Variants in COX7A2L observed in about 807,000 individuals in gnomAD.
The protein encoded by COX7A2L is cytochrome c oxidase subunit 7A2-like, mitochondrial.
In COX7A2L, 18 loss-of-function variants were observed where a neutral mutation model predicts 14.2. The ratio of observed to expected loss-of-function variants is 1.27; its 90% confidence interval spans 0.88 to 1.88. COX7A2L has a LOEUF of 1.88. COX7A2L is among the 40% of genes most tolerant of loss of function. The pLI is 0.00. For missense variants in COX7A2L, 179 were observed against 138.8 expected (o/e 1.29, Z -1.46); for synonymous variants, 65 against 57.4 (o/e 1.13, Z -0.60).
rs760727768 is a variant in COX7A2L, at chr2:42,353,358, A to T, written c.73-15T>A. 1 of 1,611,740 alleles carries T rather than the reference A, an allele frequency of 6.2e-7. No individual in the cohort carries two copies. Among genetic ancestry groups the T allele is most frequent in the Admixed American group, 1.7e-5 (1 of 59,164 alleles). On this transcript the variant is annotated splice_polypyrimidine_tract_variant and intron_variant, in intron 1 of 2. Coordinates refer to ENST00000234301, the MANE Select transcript of COX7A2L (RefSeq NM_004718.4). ...GGCTTTAATCCCTGTAGAGAAAAAA[A>T]GGAAAATGGCAAGTTGAAAGTATGT...
chr2:42,358,251 C>T (rs1558635069), intron 1 of COX7A2L, among the ~76,000 whole-genome samples: 2 of 152,168 alleles, frequency 1.3e-5, no homozygotes, highest in Non-Finnish European at 2.9e-5. Flanking sequence ...TGTTAAACAT[C>T]TTCATGTGCT....
chr2:42,343,209 A>C (rs1670434018), intron 2 of COX7A2L, among the ~76,000 whole-genome samples: 1 of 152,130 alleles, frequency 6.6e-6, no homozygotes, highest in Admixed American at 6.5e-5. Context: ...GCCTCCTCTA[A>C]AGTCACCAAA....
upstream of COX7A2L, among the ~76,000 whole-genome samples, chr2:42,363,048 G>A (rs967731004): frequency 1.3e-5 from 2 of 151,576 alleles, no homozygotes; most frequent in African/African-American, 4.9e-5. Flanking sequence ...CTAATTTTTT[G>A]TATTTTTAGT....
At chr2:42,347,643 C>T (rs543955412), downstream of COX7A2L, among the ~76,000 whole-genome samples, 4 of 152,226 alleles carry the variant, frequency 2.6e-5, no homozygotes, top group South Asian at 2.1e-4. Context: ...ATGCGTTGGC[C>T]GGGCGTGGTG....
At chr2:42,355,034 C>T (rs553539750) in intron 1 of COX7A2L, among the ~76,000 whole-genome samples, 1 of 152,322 alleles carries the variant, frequency 6.6e-6, no homozygotes. Context: ...AGTTTTCAAA[C>T]TCAGGCCTTT....
chr2:42,335,745 A>G (rs1021960036), intron 2 of COX7A2L, among the ~76,000 whole-genome samples: 1 of 152,228 alleles, frequency 6.6e-6, no homozygotes, highest in African/African-American at 2.4e-5. Flanking sequence ...GGTTATATGC[A>G]CTGTAAAATA....
chr2:42,341,833 C>A (rs17389687), intron 2 of COX7A2L, among the ~76,000 whole-genome samples: 18,431 of 152,224 alleles, frequency 0.12, 1,220 homozygotes, highest in South Asian at 0.26. Flanking sequence ...GCCTGAAACA[C>A]AAATCTAACC....
downstream of COX7A2L, among the ~76,000 whole-genome samples, chr2:42,347,947 A>G (rs1670530940): frequency 6.6e-6 from 1 of 152,174 alleles, no homozygotes; most frequent in Non-Finnish European, 1.5e-5. Flanking sequence ...GCATCTATAT[A>G]TGTTCATAGA....
chr2:42,353,312 G>A lies in COX7A2L; in HGVS notation c.104C>T (p.Pro35Leu). 1 of 1,613,990 alleles carries A rather than the reference G, an allele frequency of 6.2e-7. No individual in the cohort carries two copies. The highest frequency in any genetic ancestry group is 8.5e-7 in the Non-Finnish European group (1 of 1,179,972). Residue 35 changes from proline to leucine, a missense_variant, in exon 2 of 3, where the codon CCA becomes CTA. Physicochemically the swap from Pro to Leu is moderately conservative, Grantham distance 98 (BLOSUM62 -3). Transcript: ENST00000234301. ...AGTTGGTGTGGCAAATATGATAGGT[G>A]GTGCTTCTGTGGAAACCACAGGCTT... Reference protein sequence around the residue: ...GLKPVVSTEAPPIIFATPTKL... With the variant: ...GLKPVVSTEALPIIFATPTKL...
chr2:42,363,084 C>T (rs1404367365), upstream of COX7A2L, among the ~76,000 whole-genome samples: 1 of 151,938 alleles, frequency 6.6e-6, no homozygotes, highest in Non-Finnish European at 1.5e-5. Context: ...CCATGTTTCC[C>T]AGGCTAGTCT....
At chr2:42,362,483 C>T (rs1389109145), upstream of COX7A2L, among the ~76,000 whole-genome samples, 1 of 152,174 alleles carries the variant, frequency 6.6e-6, no homozygotes, top group Non-Finnish European at 1.5e-5. Context: ...TTTTAGAATA[C>T]AGGAAAATGA....
chr2:42,361,219 C>A, upstream of COX7A2L: 2 of 1,490,484 alleles, frequency 1.3e-6, no homozygotes, highest in South Asian at 2.4e-5. Context: ...CAGAGAAGGA[C>A]CCCGCCTCCC....
chr2:42,366,761 G>C (rs999726637), intron 1 of COX7A2L, among the ~76,000 whole-genome samples: 2 of 152,308 alleles, frequency 1.3e-5, no homozygotes, highest in South Asian at 2.1e-4. Flanking sequence ...TATAAAGTTA[G>C]CTGGTTATAA....
Position 42,361,093 on chromosome 2 carries a change from C to T in COX7A2L, c.69G>A (p.Pro23=), listed in dbSNP as rs546072265. 1 of 1,613,564 alleles carries T rather than the reference C, an allele frequency of 6.2e-7. No homozygotes were observed. The highest frequency in any genetic ancestry group is 1.1e-5 in the South Asian group (1 of 90,958). The change falls in exon 1 of 3, where the codon CCG becomes CCA. Residue 23 remains proline (P), a synonymous_variant. Transcript: ENST00000234301. ...AGAWASEAYS[P]QGLKPVVSTE... ...GCTGGCCAGGCGCCACTCGTACCTG[C>T]GGGCTATAGGCCTCCGAAGCCCATG...
At chr2:42,367,009 C>T (rs1572806728) in intron 1 of COX7A2L, among the ~76,000 whole-genome samples, 1 of 152,316 alleles carries the variant, frequency 6.6e-6, no homozygotes, top group Non-Finnish European at 1.5e-5. Flanking sequence ...AAAATACCAG[C>T]CAACCTTTTA....
chr2:42,359,692 T>G (rs557258581), intron 1 of COX7A2L: 1 of 152,078 alleles, frequency 6.6e-6, no homozygotes, highest in Non-Finnish European at 1.5e-5. Flanking sequence ...CTTTCTTCCC[T>G]ACAAATTACC....
At position 42,357,922 on chromosome 2, in the gene COX7A2L, C is replaced by T. The variant is rs527978155; in HGVS notation, c.72+3168G>A. Among the ~76,000 whole-genome samples the T allele has an allele frequency of 5.3e-5, 8 of 152,252 alleles. No homozygotes were observed. In the South Asian group the frequency reaches 1.0e-3, roughly 20 times the overall value. On this transcript the variant is annotated intron_variant, in intron 1 of 2. Coordinates refer to ENST00000234301, the MANE Select transcript of COX7A2L (RefSeq NM_004718.4). ...CTCCATCCTCCACAGTCAAACTTAC[C>T]TACCCAATGCTTCTCCTCCAGACCC...
intron 2 of COX7A2L, among the ~76,000 whole-genome samples, chr2:42,337,314 CAT>C (rs1670297995): frequency 6.6e-6 from 1 of 152,200 alleles, no homozygotes; most frequent in Admixed American, 6.5e-5. Flanking sequence ...AACACATGCA[CAT>C]GTGATGGTGC....
intron 1 of COX7A2L, among the ~76,000 whole-genome samples, chr2:42,353,563 TG>T (rs1420214107): frequency 6.6e-6 from 1 of 152,196 alleles, no homozygotes; most frequent in Non-Finnish European, 1.5e-5. Context: ...AAATACCTGG[TG>T]TGTCTATCTT....
Sources: allele counts gnomAD v4.1 joint callset (sites outside exome capture counted in the v4.1 genomes callset), GRCh38; gene constraint gnomAD v4.1.1; transcripts MANE v1.5; gene names NCBI Gene and HGNC (gene_info 2026-07-23, HGNC 2026-07-21).